ATR: variants seen among roughly 807,000 people sequenced by gnomAD.
ATR encodes the protein serine/threonine-protein kinase ATR.
In ATR, 142 loss-of-function variants were observed where a neutral mutation model predicts 305.3. The ratio of observed to expected loss-of-function variants is 0.47; its 90% CI spans 0.41 to 0.53. ATR has a LOEUF of 0.53. Ranked by LOEUF, ATR falls within the 20% of genes least tolerant of loss-of-function variation. The pLI is 0.00. For missense variants in ATR, 2,135 were observed against 3,133.1 expected (o/e 0.68, Z 7.60); for synonymous variants, 1,050 against 1,068.1 (o/e 0.98, Z 0.33).
rs747746814 is a variant in ATR at position 142,553,309 on chromosome 3, T to C, written c.2723A>G (p.Tyr908Cys). ...SKSASVSGAA[Y>C]TEIRALVAAK... Reference sequence around the variant, plus strand: ...TGCAACCAGAGCTCTAATTTCTGTGTATGCTGCTCCAGAGACAGATGCTGA... The same window carrying C: ...TGCAACCAGAGCTCTAATTTCTGTGCATGCTGCTCCAGAGACAGATGCTGA... Residue 908 changes from tyrosine to cysteine, a missense_variant, in exon 13 of 47, where the codon TAC (tyrosine) becomes TGC (cysteine). Tyr to Cys is a radical substitution (Grantham distance 194, BLOSUM62 -2). Transcript: ENST00000350721. 7 of 1,614,038 alleles carry C rather than the reference T, an allele frequency of 4.3e-6. No homozygotes were observed. Among genetic ancestry groups the C allele is most frequent in the Non-Finnish European group, 5.9e-6 (7 of 1,180,014 alleles).
intron 30 of ATR, 21 bp downstream of exon 30, chr3:142,503,341 A>T: frequency 6.5e-7 from 1 of 1,547,712 alleles, no homozygotes; most frequent in Non-Finnish European, 8.9e-7. Flanking sequence ...AACAAAAGAA[A>T]ATCATTTTAT....
chr3:142,578,590 A>AC, intron 1 of ATR, 56 bp downstream of exon 1: 1 of 1,574,540 alleles, frequency 6.4e-7, no homozygotes, highest in South Asian at 1.2e-5. Flanking sequence ...AGCACGTGAA[A>AC]CCCAAGCCGG....
intron 1 of ATR, among the ~76,000 whole-genome samples, chr3:142,572,533 G>A (rs1186782968): frequency 1.3e-5 from 2 of 151,960 alleles, no homozygotes; most frequent in East Asian, 1.9e-4. Context: ...AGTGCTTTGG[G>A]AGTCCAAGGT....
chr3:142,452,178 C>G (rs2070806970), intron 46 of ATR: 5 of 1,008,218 alleles, frequency 5.0e-6, no homozygotes, highest in Non-Finnish European at 5.9e-6. Context: ...GCGTACAGGT[C>G]TAGCCTTCCT....
chr3:142,472,827 T>C (rs1423776377), intron 36 of ATR, among the ~76,000 whole-genome samples: 2 of 151,880 alleles, frequency 1.3e-5, no homozygotes, highest in East Asian at 1.9e-4. Flanking sequence ...TTTGTAGAGA[T>C]GGGGGTTTCA....
chr3:142,558,892 C>T, intron 7 of ATR, 116 bp from the exon 8 acceptor site: 2 of 1,080,894 alleles, frequency 1.9e-6, no homozygotes, highest in Non-Finnish European at 2.7e-6. Flanking sequence ...AGCAGAAATT[C>T]TTAACACAGA....
intron 16 of ATR, among the ~76,000 whole-genome samples, chr3:142,543,247 G>A (rs1391467483): frequency 2.0e-5 from 3 of 152,178 alleles, no homozygotes; most frequent in Non-Finnish European, 2.9e-5. Context: ...CAGGGGAAAA[G>A]AGGCACAAGA....
At chr3:142,504,698 G>A (rs114664384) in intron 29 of ATR, among the ~76,000 whole-genome samples, 6,313 of 152,098 alleles carry the variant, frequency 0.042, 423 homozygotes, top group African/African-American at 0.14. Context: ...TCCTGACCTC[G>A]GGGAATCCAC....
chr3:142,498,694 CA>C lies in ATR; in HGVS notation c.5460del (p.Tyr1820Ter). ...SAKKRDITAF[Y>X]DSLKLVRAEQ... ...TCTGCTCTCACTAGTTTCAGTGAGTCATAAAAAGCTGTGATATCTCTTTTTT... is the reference window on the plus strand; with the variant it reads ...TCTGCTCTCACTAGTTTCAGTGAGTCTAAAAAGCTGTGATATCTCTTTTTT... On this transcript the variant is annotated frameshift_variant, in exon 32 of 47. Coordinates refer to ENST00000350721, the MANE Select transcript of ATR (RefSeq NM_001184.4). LOFTEE classifies it high-confidence loss of function. 2 of 1,613,882 alleles carry C rather than the reference CA, an allele frequency of 1.2e-6. No individual in the cohort carries two copies. Among genetic ancestry groups the C allele is most frequent in the Non-Finnish European group, 1.7e-6 (2 of 1,179,858 alleles).
chr3:142,512,875 A>G (rs765074354), intron 26 of ATR, among the ~76,000 whole-genome samples: 2 of 152,174 alleles, frequency 1.3e-5, no homozygotes, highest in African/African-American at 2.4e-5. Flanking sequence ...GGAAAACACA[A>G]TTGATCAATA....
intron 3 of ATR, among the ~76,000 whole-genome samples, chr3:142,564,011 A>G (rs1466166976): frequency 6.6e-6 from 1 of 152,210 alleles, no homozygotes; most frequent in East Asian, 1.9e-4. Flanking sequence ...CTTAAGCCAA[A>G]GCCTAATCCA....
rs2108432853 is a variant in ATR at position 142,538,598 on chromosome 3, C to T, written c.3609G>A (p.Leu1203=). ...CRAWDCFVRC[L]DHACLGSLLS... is the part of the protein sequence containing the mutation. Reference sequence around the variant, plus strand: ...GAAGGGAGCCCAGACAAGCATGATCCAGGCAGCGAACAAAGCAGTCCCAAG... The same window carrying T: ...GAAGGGAGCCCAGACAAGCATGATCTAGGCAGCGAACAAAGCAGTCCCAAG... Residue 1203 remains leucine (L), a synonymous_variant, in exon 19 of 47, where the codon CTG becomes CTA. Transcript: ENST00000350721. The T allele has an allele frequency of 1.2e-6, 2 of 1,613,430 alleles. No homozygotes were observed. The highest frequency in any genetic ancestry group is 1.7e-6 in the Non-Finnish European group (2 of 1,179,608).
intron 38 of ATR, among the ~76,000 whole-genome samples, 200 bp downstream of exon 38, chr3:142,469,137 A>C (rs1305582238): frequency 6.6e-6 from 1 of 152,228 alleles, no homozygotes; most frequent in African/African-American, 2.4e-5. Context: ...CATACTAGTT[A>C]CTTCATTTCA....
Position 142,457,614 on chromosome 3 carries a change from G to C in ATR, c.7645C>G (p.Pro2549Ala). The C allele has an allele frequency of 6.2e-7, 1 of 1,613,888 alleles. No homozygotes were observed. The highest frequency in any genetic ancestry group is 1.1e-5 in the South Asian group (1 of 91,064). The change falls in exon 45 of 47, where the codon CCT becomes GCT. Residue 2549 changes from proline (P) to alanine (A), a missense_variant. Coordinates refer to ENST00000350721, the MANE Select transcript of ATR (RefSeq NM_001184.4). Reference protein sequence around the residue: ...TMRLMRDQREPLMSVLKTFLH... With the variant: ...TMRLMRDQREALMSVLKTFLH... ...AGTATAGGTGATTACCTCATTAAAG[G>C]CTCTCGCTGATCACGCATCAGCCTC...
chr3:142,485,216 A>G lies in ATR; in HGVS notation c.6145T>C (p.Leu2049=). The change falls in exon 36 of 47, where the codon TTG becomes CTG. Residue 2049 remains leucine, a synonymous_variant. Transcript: ENST00000350721. The stretch of plus-strand genomic sequence containing the variant: ...TTGTTGTCTGTGACCATGGGCATCA[A>G]TTTGTCATAGTACTTGGCAAGGTAA... ...HFYLAKYYDK[L]MPMVTDNKME... is the part of the protein sequence containing the mutation. The G allele has an allele frequency of 6.2e-7, 1 of 1,614,096 alleles. No individual in the cohort carries two copies. The highest frequency in any genetic ancestry group is 8.5e-7 in the Non-Finnish European group (1 of 1,179,978).
intron 25 of ATR, among the ~76,000 whole-genome samples, chr3:142,514,024 C>A (rs753952911): frequency 6.6e-6 from 1 of 151,738 alleles, no homozygotes; most frequent in African/African-American, 2.4e-5. Context: ...AATCCCAGCA[C>A]TTTGGGAGGC....
intron 36 of ATR, among the ~76,000 whole-genome samples, chr3:142,474,518 T>C (rs559519524): frequency 6.6e-6 from 1 of 152,222 alleles, no homozygotes; most frequent in Non-Finnish European, 1.5e-5. Context: ...CTTCTTAATT[T>C]ATCTGCAAGT....
chr3:142,463,543 T>A (rs112035807), intron 41 of ATR, among the ~76,000 whole-genome samples: 1 of 152,104 alleles, frequency 6.6e-6, no homozygotes, highest in Non-Finnish European at 1.5e-5. Flanking sequence ...AATACTGGCG[T>A]ACACCACCAT....
intron 36 of ATR, among the ~76,000 whole-genome samples, chr3:142,470,986 G>GT (rs1175001850): frequency 2.6e-5 from 4 of 152,120 alleles, no homozygotes; most frequent in African/African-American, 9.7e-5. Context: ...ACAGTTCAGT[G>GT]TTATATTAAT....
Sources: gnomAD v4.1 joint callset for allele counts (sites outside exome capture counted in the v4.1 genomes callset) on GRCh38, gnomAD v4.1.1 for gene constraint, MANE v1.5 for transcripts, NCBI Gene and HGNC (gene_info 2026-07-23, HGNC 2026-07-21) for gene names.